Variants in AGO2 observed in about 807,000 individuals in gnomAD.
AGO2 encodes argonaute RISC catalytic component 2.
In AGO2, 5 loss-of-function variants were observed where a neutral mutation model predicts 102.3. That is an observed-to-expected ratio of 0.05 (90% CI 0.03 to 0.10). The LOEUF is 0.10. Among genes scored for constraint, AGO2 ranks in the 10% least tolerant of loss-of-function variants. AGO2 has a pLI of 1.00. For missense variants in AGO2, 541 were observed against 1,183.7 expected (o/e 0.46, Z 7.97); for synonymous variants, 449 against 473.1 (o/e 0.95, Z 0.66).
rs1462134967 is a variant in AGO2, at chr8:140,539,078, G to A, written c.2169+242C>T. Among the ~76,000 whole-genome samples the A allele has an allele frequency of 6.6e-6, 1 of 152,200 alleles. No individual in the cohort carries two copies. The highest frequency in any genetic ancestry group is 2.4e-5 in the African/African-American group (1 of 41,454). ...TGATCGCACCACTGCACTCTAGCCT[G>A]GGTGACAGAGCCAGACCCCATCTTA... On this transcript the variant is annotated intron_variant, in intron 16 of 18. Coordinates refer to ENST00000220592, the MANE Select transcript of AGO2 (RefSeq NM_012154.5). The surrounding 1 kb of genome is among the most constrained non-coding windows in gnomAD (Gnocchi z 4.7).
intron 17 of AGO2, among the ~76,000 whole-genome samples, chr8:140,534,721 G>C (rs947569995): frequency 1.3e-5 from 2 of 152,206 alleles, no homozygotes; most frequent in African/African-American, 4.8e-5. Flanking sequence ...TTTAGGAAGG[G>C]ATATTCAAGT....
rs73360488 is a variant in AGO2 at position 140,553,025 on chromosome 8, T to C, written c.1270-1589A>G. ...GCACTAACAATGGACCAGGGGTAGG[T>C]AGAGTAGGGGACAGGAATGTTTCCT... is the stretch of plus-strand genomic sequence containing the variant. On this transcript the variant is annotated intron_variant, in intron 10 of 18. Transcript: ENST00000220592. Among the ~76,000 whole-genome samples, 724 of 152,268 alleles carry C rather than the reference T, an allele frequency of 4.8e-3. 8 individuals carry two copies. The highest frequency in any genetic ancestry group is 0.016 in the African/African-American group (684 of 41,522).
At chr8:140,532,323 G>A (rs1010180652) in intron 18 of AGO2, 93 bp downstream of exon 18, 20 of 1,482,818 alleles carry the variant, frequency 1.3e-5, no homozygotes, top group Non-Finnish European at 1.7e-5. Flanking sequence ...CCAGCCGCTG[G>A]GGCCCTGCCC....
intron 1 of AGO2, among the ~76,000 whole-genome samples, chr8:140,634,062 G>T (rs2074371649): frequency 6.6e-6 from 1 of 152,234 alleles, no homozygotes; most frequent in African/African-American, 2.4e-5. Flanking sequence ...TCCCAAGAGG[G>T]GGCCTGGCCA....
At chr8:140,634,906 A>C (rs1175003354) in intron 1 of AGO2, among the ~76,000 whole-genome samples, 3 of 152,114 alleles carry the variant, frequency 2.0e-5, no homozygotes, top group African/African-American at 4.8e-5. Flanking sequence ...GGCAACAAGA[A>C]GGGCCACAAC....
intron 1 of AGO2, among the ~76,000 whole-genome samples, chr8:140,603,065 C>T (rs985193583): frequency 2.0e-5 from 3 of 152,198 alleles, no homozygotes; most frequent in South Asian, 4.1e-4. Context: ...ATTTGCTATC[C>T]GAAAGGCAGG....
chr8:140,549,166 A>G lies in AGO2; in HGVS notation c.1536T>C (p.Tyr512=). 6.2e-7 allele frequency: 1 copy of G among 1,613,368 alleles called. No homozygotes were observed. The highest frequency in any genetic ancestry group is 1.3e-5 in the African/African-American group (1 of 75,038). The change falls in exon 12 of 19, where the codon TAT becomes TAC. Residue 512 remains tyrosine, a synonymous_variant. Transcript: ENST00000220592. Reference sequence around the variant, plus strand: ...TGACCACCACCAGCTGCAGGCCCGCATACGTGTTCTTCAGGTGCCGGAACA... The same window carrying G: ...TGACCACCACCAGCTGCAGGCCCGCGTACGTGTTCTTCAGGTGCCGGAACA... ...EPMFRHLKNT[Y]AGLQLVVVIL... is the part of the protein sequence containing the mutation.
intron 1 of AGO2, among the ~76,000 whole-genome samples, chr8:140,590,526 G>A (rs576219297): frequency 7.6e-4 from 116 of 152,142 alleles, no homozygotes; most frequent in African/African-American, 2.6e-3. Flanking sequence ...AAACCTGTCC[G>A]AAAACAGACG....
intron 1 of AGO2, among the ~76,000 whole-genome samples, chr8:140,633,558 C>G (rs1427760931): frequency 6.6e-6 from 1 of 152,224 alleles, no homozygotes; most frequent in Non-Finnish European, 1.5e-5. Flanking sequence ...ATCGACAAGA[C>G]AGCATCCCGG....
At chr8:140,553,872 T>C (rs991018596) in intron 10 of AGO2, among the ~76,000 whole-genome samples, 11 of 152,072 alleles carry the variant, frequency 7.2e-5, no homozygotes, top group Non-Finnish European at 1.6e-4. Flanking sequence ...CTAATTTTTG[T>C]ATTTTTTAGT....
At position 140,630,424 on chromosome 8, in the gene AGO2, G is replaced by A. The variant is rs77937528; in HGVS notation, c.22+5061C>T. On this transcript the variant is annotated intron_variant, in intron 1 of 18. Transcript: ENST00000220592. ...GAGGGCCTGGCGATTTGGTCACAACGTGTAAAGGACCAAGAACAAAGAGTG... is the reference window on the plus strand; with the variant it reads ...GAGGGCCTGGCGATTTGGTCACAACATGTAAAGGACCAAGAACAAAGAGTG... Among the ~76,000 whole-genome samples the A allele has an allele frequency of 1.6e-3, 250 of 152,350 alleles. 3 individuals carry two copies. The East Asian group carries it at 0.038, about 23-fold the overall frequency.
intron 2 of AGO2, among the ~76,000 whole-genome samples, chr8:140,577,713 C>A (rs1187039002): frequency 6.6e-6 from 1 of 152,124 alleles, no homozygotes; most frequent in Non-Finnish European, 1.5e-5. Context: ...AGACAGAGGG[C>A]AGGACACACT....
chr8:140,632,374 T>C (rs963722216), intron 1 of AGO2, among the ~76,000 whole-genome samples: 3 of 152,114 alleles, frequency 2.0e-5, no homozygotes, highest in Non-Finnish European at 4.4e-5. Context: ...TTGGGAGAAG[T>C]GGCCATACCT....
intron 4 of AGO2, 54 bp downstream of exon 4, chr8:140,562,399 G>T: frequency 6.4e-7 from 1 of 1,557,674 alleles, no homozygotes. Flanking sequence ...CCTGCGGGGG[G>T]CCCTCGGAGC....
At position 140,578,023 on chromosome 8, in the gene AGO2, G is replaced by C. The variant is rs561117181; in HGVS notation, c.216-5091C>G. Among the ~76,000 whole-genome samples, 3 of 152,310 alleles carry C rather than the reference G, an allele frequency of 2.0e-5. No individual in the cohort carries two copies. In the South Asian group the frequency reaches 6.2e-4, roughly 32 times the overall value. On this transcript the variant is annotated intron_variant, in intron 2 of 18. Transcript: ENST00000220592. ...TGAGGGGCTACAATGCACACCCGTG[G>C]AGTCGGCTGGCAGACAATCCTGGCC...
At chr8:140,544,510 G>A (rs2072860465) in intron 13 of AGO2, among the ~76,000 whole-genome samples, 1 of 152,250 alleles carries the variant, frequency 6.6e-6, no homozygotes, top group African/African-American at 2.4e-5. Context: ...CACGGGTTGG[G>A]GGGCTTGGGT....
rs76871062 is a variant in AGO2 at position 140,543,639 on chromosome 8, G to A, written c.1839+574C>T. Among the ~76,000 whole-genome samples the A allele has an allele frequency of 8.7e-3, 1,327 of 152,252 alleles. 32 individuals are homozygous for A. Among genetic ancestry groups the A allele is most frequent in the African/African-American group, 0.03 (1,246 of 41,528 alleles). ...CCCAGCTATTTTTGTAGAGATGGGCGTTCGCCATGTTGCCCAGGCTGGAAT... is the reference window on the plus strand; with the variant it reads ...CCCAGCTATTTTTGTAGAGATGGGCATTCGCCATGTTGCCCAGGCTGGAAT... On this transcript the variant is annotated intron_variant, in intron 14 of 18. Transcript: ENST00000220592.
At chr8:140,547,417 C>T (rs760609516) in intron 13 of AGO2, 51 bp downstream of exon 13, 40 of 1,589,300 alleles carry the variant, frequency 2.5e-5, no homozygotes, top group East Asian at 4.5e-5. Flanking sequence ...CCCTGCCAAG[C>T]GTCCCACTGT....
Position 140,541,340 on chromosome 8 carries a change from C to A in AGO2, c.1858G>T (p.Ala620Ser). 1 of 1,607,054 alleles carries A rather than the reference C, an allele frequency of 6.2e-7. No individual in the cohort carries two copies. Among genetic ancestry groups the A allele is most frequent in the Non-Finnish European group, 8.5e-7 (1 of 1,177,708 alleles). ...SIAAVVGSMD[A>S]HPNRYCATVR... Reference sequence around the variant, plus strand: ...GTGGCGCAGTAGCGATTGGGGTGGGCGTCCATGCTGCCCACCACCTGCAGG... The same window carrying A: ...GTGGCGCAGTAGCGATTGGGGTGGGAGTCCATGCTGCCCACCACCTGCAGG... Residue 620 changes from alanine (A) to serine (S), a missense_variant, in exon 15 of 19, where the codon GCC becomes TCC. Around this residue, in one of 6 missense-constraint regions of AGO2, gnomAD observed 309 missense variants for 735.1 expected, o/e 0.42. Transcript: ENST00000220592.
Sources: allele counts gnomAD v4.1 joint callset (sites outside exome capture counted in the v4.1 genomes callset), GRCh38; gene constraint gnomAD v4.1.1; regional missense constraint gnomAD v4.1.1; non-coding constraint Gnocchi (gnomAD v3.1); transcripts MANE v1.5; gene names NCBI Gene and HGNC (gene_info 2026-07-23, HGNC 2026-07-21).